Variants in LNPEP observed in about 807,000 individuals in gnomAD.
LNPEP encodes the protein leucyl-cystinyl aminopeptidase.
A neutral mutation model predicts 120.6 loss-of-function variants in LNPEP; 64 were observed. The ratio of observed to expected loss-of-function variants is 0.53; its 90% CI spans 0.43 to 0.65. LNPEP has a LOEUF of 0.65. LNPEP is among the 30% of genes least tolerant of loss of function. LNPEP has a pLI of 0.00. For missense variants in LNPEP, 1,057 were observed against 1,200.0 expected (o/e 0.88, Z 1.76); for synonymous variants, 435 against 425.4 (o/e 1.02, Z -0.28).
At chr5:97,000,482 G>A (rs968644251) in intron 8 of LNPEP, among the ~76,000 whole-genome samples, 5 of 152,168 alleles carry the variant, frequency 3.3e-5, no homozygotes, top group African/African-American at 1.2e-4. Flanking sequence ...CCTAAACAAT[G>A]TAGTTTATGC....
chr5:97,024,894 G>A (rs1175470159), intron 15 of LNPEP, among the ~76,000 whole-genome samples: 1 of 152,150 alleles, frequency 6.6e-6, no homozygotes, highest in Non-Finnish European at 1.5e-5. Flanking sequence ...ATTACAAGAT[G>A]TCAGGAGTCA....
Position 97,036,352 on chromosome 5 carries a change from G to A in LNPEP, c.*7819G>A, listed in dbSNP as rs1791572701. The A allele has an allele frequency of 6.6e-6, 1 of 152,104 alleles. No homozygotes were observed. Among genetic ancestry groups the A allele is most frequent in the Admixed American group, 6.6e-5 (1 of 15,246 alleles). The allele number at this position is 152,104 out of a possible 1,614,324, so 9.4% of individuals were successfully genotyped here. ...CTTTCTCCTCCGTTCTCCATTGTGT[G>A]CTTTCCATTTTGTCTTTAGTGCCTA... is the stretch of plus-strand genomic sequence containing the variant. On this transcript the variant is annotated 3_prime_UTR_variant, in exon 18 of 18. Transcript: ENST00000231368.
chr5:97,022,690 G>T (rs552671402), intron 14 of LNPEP, among the ~76,000 whole-genome samples: 2 of 150,978 alleles, frequency 1.3e-5, no homozygotes, highest in African/African-American at 4.9e-5. Context: ...ACAATGTGCA[G>T]GTTAGTTACA....
intron 1 of LNPEP, chr5:96,936,375 G>A (rs923757514): frequency 7.2e-6 from 3 of 417,704 alleles, no homozygotes; most frequent in African/African-American, 6.4e-5. Context: ...GGGACCCGGG[G>A]CTGGCTTGAA....
intron 12 of LNPEP, 110 bp downstream of exon 12, chr5:97,013,941 A>G (rs1340787972): frequency 5.6e-5 from 41 of 734,708 alleles, no homozygotes; most frequent in Middle Eastern, 4.0e-4. Context: ...GGTTGGTACA[A>G]TACATTTTGG....
rs1473911954 is a variant in LNPEP, at chr5:96,975,203, A to G, written c.20-3935A>G. Among the ~76,000 whole-genome samples the G allele has an allele frequency of 2.0e-5, 3 of 152,290 alleles. 1 individual carries two copies. Among genetic ancestry groups the G allele is most frequent in the South Asian group, 4.1e-4 (2 of 4,828 alleles). On this transcript the variant is annotated intron_variant, in intron 1 of 17. Transcript: ENST00000231368. ...TACCTAAAATCAGGCCTTTAACTCT[A>G]TTAATCAAACATCTCCACCTGGTTA...
rs753398126 is a variant in LNPEP, at chr5:96,949,311, G to A, written c.19+13137G>A. Among the ~76,000 whole-genome samples the A allele has an allele frequency of 4.6e-5, 7 of 152,340 alleles. No homozygotes were observed. The East Asian group carries it at 7.7e-4, about 17-fold the overall frequency. The stretch of plus-strand genomic sequence containing the variant: ...GGCAAGTGAGCGTTACCGCCTGGGC[G>A]CCTCTCCTGTCAGATCAGGGTGGTA... On this transcript the variant is annotated intron_variant, in intron 1 of 17. Coordinates refer to ENST00000231368, the MANE Select transcript of LNPEP (RefSeq NM_005575.3).
chr5:96,989,083 C>CT (rs1381443989), intron 4 of LNPEP, among the ~76,000 whole-genome samples: 2 of 151,144 alleles, frequency 1.3e-5, no homozygotes, highest in African/African-American at 4.9e-5. Flanking sequence ...ACTATGTTTT[C>CT]TTTTTTGCTT....
rs1790777646 is a variant in LNPEP, at chr5:97,006,188, G to T, written c.1901G>T (p.Arg634Ile). The change falls in exon 10 of 18, where the codon AGA becomes ATA. Residue 634 changes from arginine (R) to isoleucine (I), a missense_variant. Arg to Ile is a moderately conservative substitution (Grantham distance 97). Transcript: ENST00000231368. ...AAGGAACTTTTTATACAACAAGAGA[G>T]ATTCTTTTTAAATATGAAGCCTGAA... Reference protein sequence around the residue: ...KGKELFIQQERFFLNMKPEIQ... With the variant: ...KGKELFIQQEIFFLNMKPEIQ... 1 of 1,604,452 alleles carries T rather than the reference G, an allele frequency of 6.2e-7. No homozygotes were observed. The highest frequency in any genetic ancestry group is 1.1e-5 in the South Asian group (1 of 89,232).
intron 11 of LNPEP, among the ~76,000 whole-genome samples, chr5:97,007,557 T>G (rs1790816016): frequency 6.6e-6 from 1 of 152,224 alleles, no homozygotes; most frequent in Admixed American, 6.5e-5. Flanking sequence ...ATATCTATAT[T>G]ACATAAAACC....
intron 4 of LNPEP, among the ~76,000 whole-genome samples, chr5:96,988,564 C>T (rs1045298465): frequency 6.6e-5 from 10 of 151,914 alleles, no homozygotes; most frequent in Non-Finnish European, 7.4e-5. Flanking sequence ...TCTCTAACTC[C>T]TGACCTTGTG....
At chr5:96,989,365 TA>T (rs1348899540) in intron 4 of LNPEP, among the ~76,000 whole-genome samples, 11 of 27,018 alleles carry the variant, frequency 4.1e-4, no homozygotes, top group Middle Eastern at 0.029. Context: ...ATATTATATA[TA>T]ATTATATATT....
At chr5:97,004,511 C>CA (rs200476030) in intron 9 of LNPEP, among the ~76,000 whole-genome samples, 1,185 of 71,432 alleles carry the variant, frequency 0.017, 8 homozygotes, top group Non-Finnish European at 0.021. Flanking sequence ...GACTCTGTCT[C>CA]AAAAAAAAAA....
At chr5:97,024,709 T>C (rs752218390) in intron 15 of LNPEP, 27 bp downstream of exon 15, 5 of 1,593,914 alleles carry the variant, frequency 3.1e-6, no homozygotes, top group Non-Finnish European at 3.4e-6. Flanking sequence ...GAATATGATA[T>C]ACAGAAACCA....
At chr5:96,971,345 T>TTGTGTG (rs3076561) in intron 1 of LNPEP, among the ~76,000 whole-genome samples, 3,968 of 142,850 alleles carry the variant, frequency 0.028, 93 homozygotes, top group African/African-American at 0.058. Context: ...ACATTATTAT[T>TTGTGTG]TGTGTGTGTG....
intron 11 of LNPEP, among the ~76,000 whole-genome samples, chr5:97,008,337 GTTTTTTTTTTTTTTTTTT>G (rs781727347): frequency 2.0e-4 from 12 of 59,824 alleles, no homozygotes; most frequent in South Asian, 8.3e-4. Flanking sequence ...GTTTTTTCTT[GTTTTTTTTTTTTTTTTTT>G]TTTTTTTTTT....
intron 1 of LNPEP, among the ~76,000 whole-genome samples, chr5:96,973,095 C>T (rs1419297149): frequency 6.6e-6 from 1 of 152,110 alleles, no homozygotes; most frequent in East Asian, 1.9e-4. Flanking sequence ...GGAAAAGGGA[C>T]GACTTAGATA....
chr5:96,958,862 C>T (rs1789533126), intron 1 of LNPEP: 1 of 133,202 alleles, frequency 7.5e-6, no homozygotes, highest in Admixed American at 8.1e-5. Context: ...CGGAGTCTCA[C>T]TCTGTCACCA....
chr5:96,948,726 A>C (rs1316427410), intron 1 of LNPEP, among the ~76,000 whole-genome samples: 1 of 152,168 alleles, frequency 6.6e-6, no homozygotes, highest in Non-Finnish European at 1.5e-5. Context: ...CTCTCCAAAA[A>C]CCATCATACT....
Sources: gnomAD v4.1 joint callset for allele counts (sites outside exome capture counted in the v4.1 genomes callset) on GRCh38, gnomAD v4.1.1 for gene constraint, MANE v1.5 for transcripts, NCBI Gene and HGNC (gene_info 2026-07-23, HGNC 2026-07-21) for gene names.